Variants in YES1 observed in about 807,000 individuals in gnomAD.
The protein encoded by YES1 is YES proto-oncogene 1, Src family tyrosine kinase.
Under a neutral mutation model 70.4 loss-of-function variants are expected in YES1, and 39 were observed. That is an observed-to-expected ratio of 0.55 (90% CI 0.43 to 0.72). The LOEUF is 0.72. YES1 is among the 30% of genes least tolerant of loss of function. YES1 has a pLI of 0.00. For missense variants in YES1, 495 were observed against 644.8 expected (o/e 0.77, Z 2.52); for synonymous variants, 198 against 218.6 (o/e 0.91, Z 0.83).
At chr18:748,169 TGATATTAAAAAATA>T (rs1490645804) in intron 3 of YES1, 151 bp from the exon 4 acceptor site, 1 of 626,926 alleles carries the variant, frequency 1.6e-6, no homozygotes, top group Non-Finnish European at 2.7e-6. Flanking sequence ...ACTCAAAGAA[TGATATTAAAAAATA>T]GGTTACATGA....
chr18:778,273 G>A (rs1390665001), intron 1 of YES1, among the ~76,000 whole-genome samples: 3 of 152,166 alleles, frequency 2.0e-5, no homozygotes, highest in Admixed American at 2.0e-4. Context: ...GAAGCCTTGT[G>A]TATAGCATTC....
At chr18:791,612 A>C (rs954860833) in intron 1 of YES1, among the ~76,000 whole-genome samples, 1 of 152,262 alleles carries the variant, frequency 6.6e-6, no homozygotes, top group African/African-American at 2.4e-5. Flanking sequence ...ATGCAATTTT[A>C]AATTTTCCAG....
At chr18:757,376 G>C (rs564068954) in intron 1 of YES1, among the ~76,000 whole-genome samples, 1 of 151,544 alleles carries the variant, frequency 6.6e-6, no homozygotes, top group Admixed American at 6.6e-5. Context: ...GGTGGTGGGC[G>C]CCTGTAGTCC....
At chr18:757,240 A>T (rs552937321) in intron 1 of YES1, among the ~76,000 whole-genome samples, 17 of 152,306 alleles carry the variant, frequency 1.1e-4, no homozygotes, top group East Asian at 5.8e-4. Context: ...GCAGTGGCTC[A>T]CGCCTGTAAT....
chr18:808,194 G>C (rs558170855), intron 1 of YES1, among the ~76,000 whole-genome samples: 1 of 152,196 alleles, frequency 6.6e-6, no homozygotes, highest in African/African-American at 2.4e-5. Context: ...CAGTAGTGCT[G>C]CTGCAGCCAA....
Position 722,383 on chromosome 18 carries a change from G to A in YES1, c.*2041C>T, listed in dbSNP as rs1002773698. 3 of 152,570 alleles carry A rather than the reference G, an allele frequency of 2.0e-5. No homozygotes were observed. The highest frequency in any genetic ancestry group is 7.2e-5 in the African/African-American group (3 of 41,414). The allele number at this position is 152,570 out of a possible 1,614,324, so 9.5% of individuals were successfully genotyped here. On this transcript the variant is annotated 3_prime_UTR_variant, in exon 12 of 12. Coordinates refer to ENST00000314574, the MANE Select transcript of YES1 (RefSeq NM_005433.4). ...AGTCCATCTTCACATTTTAAAAATG[G>A]TTTGAATTTGAACATATATGCCATG...
At chr18:764,401 T>A (rs1904763414) in intron 1 of YES1, among the ~76,000 whole-genome samples, 1 of 152,084 alleles carries the variant, frequency 6.6e-6, no homozygotes, top group Non-Finnish European at 1.5e-5. Context: ...TTTGTATTTT[T>A]AGTAGAGACA....
At chr18:763,937 G>C (rs963559520) in intron 1 of YES1, among the ~76,000 whole-genome samples, 3 of 151,612 alleles carry the variant, frequency 2.0e-5, no homozygotes, top group African/African-American at 7.3e-5. Flanking sequence ...CTGGCTAACA[G>C]GGCGAAAACC....
At chr18:779,114 T>C (rs1905527841) in intron 1 of YES1, among the ~76,000 whole-genome samples, 1 of 152,050 alleles carries the variant, frequency 6.6e-6, no homozygotes, top group African/African-American at 2.4e-5. Context: ...GTAAAGAATA[T>C]GTAAGGAATT....
intron 1 of YES1, among the ~76,000 whole-genome samples, chr18:776,456 A>G (rs1009002813): frequency 9.9e-5 from 15 of 152,088 alleles, no homozygotes; most frequent in South Asian, 2.1e-4. Flanking sequence ...GCACCTTTAC[A>G]TATGTTTACC....
At chr18:749,517 C>CA (rs1416299301) in intron 3 of YES1, among the ~76,000 whole-genome samples, 1 of 150,284 alleles carries the variant, frequency 6.7e-6, no homozygotes, top group Non-Finnish European at 1.5e-5. Flanking sequence ...AAAAGCAAAA[C>CA]AAAAAAACCC....
intron 1 of YES1, among the ~76,000 whole-genome samples, chr18:762,322 A>G (rs984903503): frequency 6.6e-6 from 1 of 152,188 alleles, no homozygotes; most frequent in African/African-American, 2.4e-5. Context: ...CTCCATCTCA[A>G]AAAAAAGAAA....
chr18:760,303 C>G (rs771402516), intron 1 of YES1, among the ~76,000 whole-genome samples: 8 of 152,054 alleles, frequency 5.3e-5, no homozygotes, highest in Non-Finnish European at 1.0e-4. Flanking sequence ...AACCCTGCCT[C>G]TACTAAAAAT....
At chr18:799,774 A>T (rs1220530900) in intron 1 of YES1, among the ~76,000 whole-genome samples, 1 of 152,014 alleles carries the variant, frequency 6.6e-6, no homozygotes, top group Non-Finnish European at 1.5e-5. Context: ...GGTGGCATAC[A>T]CCTGTAATCT....
intron 1 of YES1, among the ~76,000 whole-genome samples, chr18:774,757 C>T (rs1215950041): frequency 6.6e-6 from 1 of 152,218 alleles, no homozygotes; most frequent in Admixed American, 6.5e-5. Flanking sequence ...CTTTTACAGG[C>T]ATGTCTCACA....
chr18:781,269 CAAAAA>C (rs1167805094), intron 1 of YES1, among the ~76,000 whole-genome samples: 3 of 101,400 alleles, frequency 3.0e-5, no homozygotes, highest in Admixed American at 1.0e-4. Flanking sequence ...AACTCTGTCT[CAAAAA>C]AAAAAAAAAA....
At chr18:776,514 T>C (rs1330229611) in intron 1 of YES1, among the ~76,000 whole-genome samples, 1 of 152,228 alleles carries the variant, frequency 6.6e-6, no homozygotes, top group Non-Finnish European at 1.5e-5. Context: ...TATCCATTGT[T>C]CTATAGGGTT....
intron 1 of YES1, among the ~76,000 whole-genome samples, chr18:758,353 T>C (rs1050331290): frequency 5.9e-5 from 9 of 152,180 alleles, no homozygotes; most frequent in Non-Finnish European, 7.3e-5. Context: ...ATCTATACCT[T>C]TTCCCTTCCC....
intron 11 of YES1, among the ~76,000 whole-genome samples, chr18:725,811 G>A (rs907812937): frequency 6.6e-6 from 1 of 152,194 alleles, no homozygotes; most frequent in South Asian, 2.1e-4. Context: ...ACTTGAACGG[G>A]AGGCGGAGGT....
Sources: allele counts gnomAD v4.1 joint callset (sites outside exome capture counted in the v4.1 genomes callset), GRCh38; gene constraint gnomAD v4.1.1; transcripts MANE v1.5; gene names NCBI Gene and HGNC (gene_info 2026-07-23, HGNC 2026-07-21).